ANKRD26: variants seen among roughly 807,000 people sequenced by gnomAD.
The protein encoded by ANKRD26 is ankyrin repeat domain 26.
In ANKRD26, 141 loss-of-function variants were observed where a neutral mutation model predicts 208.7. The ratio of observed to expected loss-of-function variants is 0.68; its 90% CI spans 0.59 to 0.78. The LOEUF (loss-of-function observed/expected upper bound fraction) is 0.78, where lower values mean the gene tolerates loss of function less well. Among genes scored for constraint, ANKRD26 ranks in the 30% least tolerant of loss-of-function variants. The pLI, the probability that ANKRD26 is intolerant of heterozygous loss-of-function variation, is 0.00. For missense variants in ANKRD26, 1,889 were observed against 1,938.7 expected (o/e 0.97, Z 0.48); for synonymous variants, 636 against 660.4 (o/e 0.96, Z 0.57).
chr10:26,972,288 T>G (rs1214355277), downstream of ANKRD26, among the ~76,000 whole-genome samples: 1 of 150,942 alleles, frequency 6.6e-6, no homozygotes, highest in Non-Finnish European at 1.5e-5. Flanking sequence ...ACTCTGGTTG[T>G]AAAATAAATA....
intron 31 of ANKRD26, 42 bp downstream of exon 31, chr10:27,014,452 A>G (rs1410461792): frequency 1.4e-6 from 2 of 1,415,328 alleles, no homozygotes; most frequent in South Asian, 1.2e-5. Context: ...AGGCAAATTA[A>G]TGAGCTTAAT....
the ANKRD26 span, among the ~76,000 whole-genome samples, chr10:26,959,858 G>A: frequency 1.3e-5 from 2 of 152,044 alleles, no homozygotes; most frequent in Non-Finnish European, 2.9e-5. Context: ...CAATTTAATA[G>A]TTAACTTATA....
chr10:27,090,522 T>C (rs2056266554), intron 4 of ANKRD26, among the ~76,000 whole-genome samples: 1 of 149,872 alleles, frequency 6.7e-6, no homozygotes, highest in South Asian at 2.1e-4. Context: ...AATTAACTAT[T>C]TACATCTACT....
chr10:27,093,832 A>G, intron 1 of ANKRD26, 33 bp from the exon 2 acceptor site: 3 of 1,448,444 alleles, frequency 2.1e-6, no homozygotes, highest in Non-Finnish European at 2.9e-6. Context: ...TATAAACTGT[A>G]GTGCACTGTC....
chr10:27,033,554 G>A (rs1354080741), intron 24 of ANKRD26, among the ~76,000 whole-genome samples, 177 bp from the exon 25 acceptor site: 1 of 152,118 alleles, frequency 6.6e-6, no homozygotes, highest in African/African-American at 2.4e-5. Flanking sequence ...ACTGAATTCA[G>A]TTAAGGACAC....
At position 27,006,231 on chromosome 10, in the gene ANKRD26, GGAA is replaced by G. The variant is rs779103075; in HGVS notation, c.5000-511_5000-509del. Among the ~76,000 whole-genome samples the G allele has an allele frequency of 1.2e-4, 18 of 152,350 alleles. No individual in the cohort carries two copies. The East Asian group carries it at 3.3e-3, about 28-fold the overall frequency. ...CAAGGAAAACATATGCCAGACGGAA[GGAA>G]GAAGCAAATGCCAAGAGCTGGAGCT... On this transcript the variant is annotated intron_variant, in intron 33 of 33. Transcript: ENST00000376087.
exon 6 of ANKRD26, among the ~76,000 whole-genome samples, chr10:26,974,126 A>C (rs1192637272): frequency 6.6e-6 from 1 of 152,040 alleles, no homozygotes; most frequent in African/African-American, 2.4e-5. Flanking sequence ...AGTTAATAAG[A>C]CCTAAATTGA....
downstream of ANKRD26, among the ~76,000 whole-genome samples, chr10:26,972,552 A>T (rs1467723720): frequency 6.6e-6 from 1 of 151,380 alleles, no homozygotes; most frequent in Non-Finnish European, 1.5e-5. Flanking sequence ...AACTATAACC[A>T]ACCATTTGTT....
downstream of ANKRD26, among the ~76,000 whole-genome samples, chr10:26,969,696 C>G (rs550364577): frequency 6.6e-6 from 1 of 152,128 alleles, no homozygotes; most frequent in East Asian, 1.9e-4. Context: ...TGAAGAATAC[C>G]TACTTAGATT....
At chr10:27,072,135 G>C (rs2055527153) in intron 9 of ANKRD26, among the ~76,000 whole-genome samples, 1 of 152,196 alleles carries the variant, frequency 6.6e-6, no homozygotes. Flanking sequence ...GATCAGGAGG[G>C]GCATGGCTTG....
At position 27,051,324 on chromosome 10, in the gene ANKRD26, G is replaced by A. The variant is rs1031903484; in HGVS notation, c.1635+1996C>T. ...TGTTTTCTTGTAAGCGTCTGTACCA[G>A]CAGAAATACTATGCCTTTTTATGTG... is the stretch of plus-strand genomic sequence containing the variant. On this transcript the variant is annotated intron_variant, in intron 16 of 33. Transcript: ENST00000376087. The A allele has an allele frequency of 4.7e-6, 6 of 1,275,064 alleles. No individual in the cohort carries two copies. In the South Asian group the frequency reaches 6.4e-5, roughly 14 times the overall value. The allele number at this position is 1,275,064 out of a possible 1,614,324, so 79.0% of individuals were successfully genotyped here.
intron 17 of ANKRD26, among the ~76,000 whole-genome samples, chr10:27,047,701 A>ATAATACTAC (rs1392162204): frequency 5.1e-4 from 71 of 138,894 alleles, no homozygotes; most frequent in African/African-American, 1.8e-3. Flanking sequence ...AACTGTAATA[A>ATAATACTAC]TACTACTACT....
chr10:27,029,536 G>A (rs905332830), intron 25 of ANKRD26, among the ~76,000 whole-genome samples, 180 bp from the exon 26 acceptor site: 26 of 152,136 alleles, frequency 1.7e-4, no homozygotes, highest in African/African-American at 4.8e-4. Context: ...TGGTATCTAC[G>A]GCTCCCAAAG....
intron 5 of ANKRD26, among the ~76,000 whole-genome samples, chr10:26,977,367 C>G (rs1028964642): frequency 3.3e-5 from 5 of 152,178 alleles, no homozygotes; most frequent in Non-Finnish European, 5.9e-5. Context: ...TGGATTATAA[C>G]TTTCATCTAT....
chr10:27,038,900 C>T lies in ANKRD26; in HGVS notation c.2376-846G>A, dbSNP rs1400411275. Among the ~76,000 whole-genome samples the T allele has an allele frequency of 2.6e-5, 4 of 152,148 alleles. No individual in the cohort carries two copies. In the East Asian group the frequency reaches 7.7e-4, roughly 29 times the overall value. On this transcript the variant is annotated intron_variant, in intron 21 of 33. Transcript: ENST00000376087. ...AAAGATTAGGCTAACGAGCCTAATA[C>T]TGGTTACCCCATACTTTTTATGTTT...
chr10:26,974,008 C>T (rs981254865), exon 6 of ANKRD26, among the ~76,000 whole-genome samples: 2 of 151,690 alleles, frequency 1.3e-5, no homozygotes, highest in South Asian at 2.1e-4. Context: ...TTCATTGATG[C>T]TTCCTTAATA....
chr10:27,067,153 T>C lies in ANKRD26; in HGVS notation c.1207+4A>G. On this transcript the variant is annotated splice_donor_region_variant and intron_variant, in intron 10 of 33. Coordinates refer to ENST00000376087, the MANE Select transcript of ANKRD26 (RefSeq NM_014915.3). ...AAAATATTCAGAGATATCCACTAACTTACCACTTCTATTATTTTTGTGCAC... is the reference window on the plus strand; with the variant it reads ...AAAATATTCAGAGATATCCACTAACCTACCACTTCTATTATTTTTGTGCAC... The C allele has an allele frequency of 6.2e-7, 1 of 1,612,964 alleles. No homozygotes were observed. The highest frequency in any genetic ancestry group is 8.5e-7 in the Non-Finnish European group (1 of 1,179,422).
chr10:27,003,129 C>G (rs770307858), downstream of ANKRD26, among the ~76,000 whole-genome samples: 2 of 152,082 alleles, frequency 1.3e-5, no homozygotes, highest in Non-Finnish European at 2.9e-5. Flanking sequence ...CAAAGCCTAT[C>G]GACGGCATTA....
intron 15 of ANKRD26, among the ~76,000 whole-genome samples, chr10:27,055,234 C>T (rs2054799994): frequency 6.6e-6 from 1 of 152,066 alleles, no homozygotes; most frequent in Admixed American, 6.6e-5. Flanking sequence ...AAGTTGTTTA[C>T]TTCATACTTT....
Sources: gnomAD v4.1 joint callset for allele counts (sites outside exome capture counted in the v4.1 genomes callset) on GRCh38, gnomAD v4.1.1 for gene constraint, MANE v1.5 for transcripts, NCBI Gene and HGNC (gene_info 2026-07-23, HGNC 2026-07-21) for gene names.